The following BAHCC1 variants were observed in gnomAD, a reference collection of about 807,000 sequenced individuals.
BAHCC1 encodes the protein BAH and coiled-coil domain-containing protein 1.
BAHCC1 carries 43 observed loss-of-function variants against 88.2 expected under a neutral mutation model. The observed-to-expected ratio is 0.49, with a 90% confidence interval of 0.38 to 0.63. The LOEUF is 0.63. Among genes scored for constraint, BAHCC1 ranks in the 20% least tolerant of loss-of-function variants. The probability of loss-of-function intolerance (pLI) is 0.00; values close to 1 mark genes in which losing one functional copy is unlikely to be tolerated. For missense variants in BAHCC1, 3,023 were observed against 1,654.8 expected (o/e 1.83, Z -14.34); for synonymous variants, 1,510 against 745.5 (o/e 2.03, Z -16.71).
At chr17:81,457,356 C>T (rs1427025247) in intron 16 of BAHCC1, 54 bp from the exon 17 acceptor site, 33 of 724,734 alleles carry the variant, frequency 4.6e-5, no homozygotes, top group Non-Finnish European at 7.4e-5. Context: ...TCCCCCACCT[C>T]TCAATGGCAC....
chr17:81,445,378 G>T lies in BAHCC1; in HGVS notation c.2860G>T (p.Asp954Tyr), dbSNP rs1555654028. The T allele has an allele frequency of 1.3e-6, 1 of 776,972 alleles. No individual in the cohort carries two copies. The highest frequency in any genetic ancestry group is 1.7e-5 in the African/African-American group (1 of 59,174). The allele number at this position is 776,972 out of a possible 1,614,324, so 48.1% of individuals were successfully genotyped here. A position where few individuals can be genotyped will look rare whatever the true frequency, so the allele number is the denominator to read the frequency against. ...GCGGAAGCCCGAAGACCAGCACCTG[G>T]ATCTGGAGGAGCCCGCCCAGGAGAA... is the stretch of plus-strand genomic sequence containing the variant. ...FQRKPEDQHLDLEEPAQEKAP... is the reference protein window; with the variant it reads ...FQRKPEDQHLYLEEPAQEKAP... Residue 954 changes from aspartate (D) to tyrosine (Y), a missense_variant, in exon 10 of 28, where the codon GAT (aspartate) becomes TAT (tyrosine). Coordinates refer to ENST00000675386, the MANE Select transcript of BAHCC1 (RefSeq NM_001377448.1).
In BAHCC1 at chr17:81,443,840, G is replaced by C; in HGVS notation, c.2247G>C (p.Leu749=). 1 of 713,842 alleles carries C rather than the reference G, an allele frequency of 1.4e-6. No individual in the cohort carries two copies. Among genetic ancestry groups the C allele is most frequent in the Non-Finnish European group, 2.6e-6 (1 of 384,862 alleles). The allele number at this position is 713,842 out of a possible 1,614,324, so 44.2% of individuals were successfully genotyped here. A position where few individuals can be genotyped will look rare whatever the true frequency, so the allele number is the denominator to read the frequency against. The change falls in exon 6 of 28, where the codon CTG becomes CTC. Residue 749 remains leucine, a synonymous_variant. Coordinates refer to ENST00000675386, the MANE Select transcript of BAHCC1 (RefSeq NM_001377448.1). ...GGGGPRSTHA[L]DLEAEEERTR... is the part of the protein sequence containing the mutation. ...GTGGGCCCCGTTCCACACACGCGCT[G>C]GACCTGGAGGCTGAGGAGGAGAGGA...
intron 2 of BAHCC1, among the ~76,000 whole-genome samples, chr17:81,413,487 C>G (rs949717873): frequency 5.9e-5 from 9 of 152,184 alleles, no homozygotes; most frequent in Admixed American, 3.9e-4. Context: ...TCTGGGCTGT[C>G]CCCTCCGCAG....
chr17:81,451,953 C>CTGTGCCCCCCCCACCAGG lies in BAHCC1; in HGVS notation c.4180-8_4189dup. The CTGTGCCCCCCCCACCAGG allele has an allele frequency of 1.6e-6, 1 of 613,116 alleles. No homozygotes were observed. The highest frequency in any genetic ancestry group is 2.9e-6 in the Non-Finnish European group (1 of 342,512). The allele number at this position is 613,116 out of a possible 1,614,324, so 38.0% of individuals were successfully genotyped here. A position where few individuals can be genotyped will look rare whatever the true frequency, so the allele number is the denominator to read the frequency against. The stretch of plus-strand genomic sequence containing the variant: ...GGGCCCTGGCCCGGCTCACAGGCCC[C>CTGTGCCCCCCCCACCAGG]TGTGCCCCCCCCACCAGGTGTGCCC... On this transcript the variant is annotated splice_polypyrimidine_tract_variant and intron_variant, in intron 12 of 27. Coordinates refer to ENST00000675386, the MANE Select transcript of BAHCC1 (RefSeq NM_001377448.1).
chr17:81,444,528 C>T lies in BAHCC1; in HGVS notation c.2472C>T (p.Arg824=), dbSNP rs1555653747. The part of the protein sequence containing the change: ...HTHPHPPWLP[R]TRSPSLWMGG... Reference sequence around the variant, plus strand: ...ACCCCCATCCCCCCTGGCTGCCCCGCACCCGCAGCCCCTCCCTGTGGATGG... The same window carrying T: ...ACCCCCATCCCCCCTGGCTGCCCCGTACCCGCAGCCCCTCCCTGTGGATGG... The change falls in exon 7 of 28, where the codon CGC becomes CGT. Residue 824 remains arginine (R), a synonymous_variant. Coordinates refer to ENST00000675386, the MANE Select transcript of BAHCC1 (RefSeq NM_001377448.1). 5.7e-6 allele frequency: 4 copies of T among 698,900 alleles called. No individual in the cohort carries two copies. The highest frequency in any genetic ancestry group is 5.2e-5 in the African/African-American group (3 of 57,592). The allele number at this position is 698,900 out of a possible 1,614,324, so 43.3% of individuals were successfully genotyped here.
intron 16 of BAHCC1, among the ~76,000 whole-genome samples, 172 bp from the exon 17 acceptor site, chr17:81,457,238 A>G (rs2064766208): frequency 6.6e-6 from 1 of 152,168 alleles, no homozygotes; most frequent in African/African-American, 2.4e-5. Context: ...GCTGGAGGCC[A>G]GGACCTCAGG....
chr17:81,462,490 T>C (rs1441337535), intron 26 of BAHCC1: 7 of 548,836 alleles, frequency 1.3e-5, no homozygotes, highest in Middle Eastern at 4.7e-4. Context: ...CACATGTCCC[T>C]GTCCCAGATC....
intron 3 of BAHCC1, among the ~76,000 whole-genome samples, chr17:81,433,607 G>A (rs933505816): frequency 1.3e-5 from 2 of 149,914 alleles, no homozygotes; most frequent in African/African-American, 4.9e-5. Context: ...TGTGCTCAGG[G>A]CAGGTGTCAT....
chr17:81,397,817 A>C (rs953607469), intron 1 of BAHCC1, among the ~76,000 whole-genome samples: 1 of 152,224 alleles, frequency 6.6e-6, no homozygotes, highest in African/African-American at 2.4e-5. Context: ...ACGCCTTTGT[A>C]TGTAGTTGCC....
At chr17:81,422,703 G>A (rs1465231181) in intron 2 of BAHCC1, 41 of 386,900 alleles carry the variant, frequency 1.1e-4, no homozygotes, top group South Asian at 7.5e-4. Flanking sequence ...CTGATGTGGT[G>A]TGGGAGAGCT....
intron 2 of BAHCC1, among the ~76,000 whole-genome samples, chr17:81,425,775 T>A: frequency 8.1e-6 from 1 of 122,866 alleles, no homozygotes; most frequent in African/African-American, 3.3e-5. Context: ...GTGATGTGGT[T>A]GGTGATGATG....
intron 2 of BAHCC1, among the ~76,000 whole-genome samples, chr17:81,424,246 C>G (rs2064148366): frequency 6.6e-6 from 1 of 152,224 alleles, no homozygotes; most frequent in Admixed American, 6.5e-5. Flanking sequence ...CCTCCCAGTG[C>G]TGCCTGGAGG....
rs781868497 is a variant in BAHCC1 at position 81,463,733 on chromosome 17, G to A, written c.7743G>A (p.Arg2581=). Residue 2581 remains arginine (R), a synonymous_variant, in exon 28 of 28, where the codon CGG becomes CGA. Transcript: ENST00000675386. The part of the protein sequence containing the change: ...QMARSRKCQD[R]QDLYYLAGTY... The stretch of plus-strand genomic sequence containing the variant: ...CCCGGAGCCGCAAGTGCCAGGACCG[G>A]CAGGACCTCTACTACCTGGCGGGCA... 7.7e-6 allele frequency: 6 copies of A among 778,908 alleles called. No individual in the cohort carries two copies. The highest frequency in any genetic ancestry group is 1.4e-5 in the Non-Finnish European group (6 of 417,710). The allele number at this position is 778,908 out of a possible 1,614,324, so 48.2% of individuals were successfully genotyped here.
Position 81,458,382 on chromosome 17 carries a change from C to T in BAHCC1, c.5259C>T (p.Ala1753=), listed in dbSNP as rs782183944. ...TCTTCAACCCCTCTCGGGCCTTCGC[C>T]TGCCGTGAGGAGGGCAGCCAGCTGG... ...DALFNPSRAF[A]CREEGSQLAS... The change falls in exon 18 of 28, where the codon GCC becomes GCT. Residue 1753 remains alanine (A), a synonymous_variant. Transcript: ENST00000675386. 2.2e-5 allele frequency: 16 copies of T among 737,982 alleles called. No homozygotes were observed. The highest frequency in any genetic ancestry group is 1.7e-5 in the Non-Finnish European group (7 of 400,250). The allele number at this position is 737,982 out of a possible 1,614,324, so 45.7% of individuals were successfully genotyped here. A position where few individuals can be genotyped will look rare whatever the true frequency, so the allele number is the denominator to read the frequency against.
At chr17:81,436,258 A>G (rs1555651720) in intron 3 of BAHCC1, among the ~76,000 whole-genome samples, 1 of 152,168 alleles carries the variant, frequency 6.6e-6, no homozygotes, top group African/African-American at 2.4e-5. Context: ...TCACCAGCCC[A>G]GGGGCCACCA....
intron 13 of BAHCC1, 67 bp from the exon 14 acceptor site, chr17:81,452,656 C>T (rs782184061): frequency 4.2e-5 from 27 of 644,732 alleles, no homozygotes; most frequent in African/African-American, 9.6e-5. Flanking sequence ...CCAATGCCCT[C>T]GGCTGGAACC....
chr17:81,449,566 A>C (rs1273236115), intron 11 of BAHCC1, among the ~76,000 whole-genome samples: 1 of 152,168 alleles, frequency 6.6e-6, no homozygotes, highest in Non-Finnish European at 1.5e-5. Flanking sequence ...CAGGGGAGGC[A>C]CAGAGGGGCT....
rs1555653781 is a variant in BAHCC1, at chr17:81,444,582, G to A, written c.2512+14G>A. The A allele has an allele frequency of 2.7e-6, 2 of 735,684 alleles. No individual in the cohort carries two copies. The highest frequency in any genetic ancestry group is 1.4e-5 in the South Asian group (1 of 69,140). 45.6% of individuals were successfully genotyped at this position (735,684 alleles called of 1,614,324 possible). On this transcript the variant is annotated intron_variant, in intron 7 of 27. Transcript: ENST00000675386. ...GGCACTCCTACGGTCAGTGATCCAA[G>A]GGCGGGGGCTGGCCTGGGGCTGATG...
rs1197336050 is a variant in BAHCC1, at chr17:81,443,033, G to A, written c.1684G>A (p.Ala562Thr). 2 of 778,126 alleles carry A rather than the reference G, an allele frequency of 2.6e-6. No individual in the cohort carries two copies. Among genetic ancestry groups the A allele is most frequent in the South Asian group, 1.3e-5 (1 of 74,562 alleles). 48.2% of individuals were successfully genotyped at this position (778,126 alleles called of 1,614,324 possible). ...AAEVEQGGIG[A>T]EAKRKSLELA... ...CGAGGTGGAGCAGGGGGGCATTGGG[G>A]CTGAGGCCAAGCGCAAGTCCCTGGA... The change falls in exon 5 of 28, where the codon GCT (alanine) becomes ACT (threonine). Residue 562 changes from alanine to threonine, a missense_variant. By Grantham distance (58) the Ala-to-Thr change is moderately conservative. Transcript: ENST00000675386.
Sources: gnomAD v4.1 joint callset for allele counts (sites outside exome capture counted in the v4.1 genomes callset) on GRCh38, gnomAD v4.1.1 for gene constraint, MANE v1.5 for transcripts, NCBI Gene and HGNC (gene_info 2026-07-23, HGNC 2026-07-21) for gene names.